The following SLC26A4 variants were observed in gnomAD, a reference collection of about 807,000 sequenced individuals.
SLC26A4 encodes the protein pendrin.
Under a neutral mutation model 90.4 loss-of-function variants are expected in SLC26A4, and 93 were observed. The observed-to-expected ratio is 1.03, with a 90% CI of 0.87 to 1.22. The LOEUF (loss-of-function observed/expected upper bound fraction) is 1.22. SLC26A4 is among the 50% of genes most tolerant of loss of function. The pLI is 0.00. For missense variants in SLC26A4, 1,127 were observed against 946.2 expected (o/e 1.19, Z -2.51); for synonymous variants, 393 against 354.6 (o/e 1.11, Z -1.22).
intron 10 of SLC26A4, among the ~76,000 whole-genome samples, 172 bp downstream of exon 10, chr7:107,690,409 A>T (rs754809539): frequency 3.3e-5 from 5 of 152,168 alleles, no homozygotes; most frequent in Non-Finnish European, 1.5e-5. Flanking sequence ...GAAATCTCTT[A>T]AAAAACAACA....
chr7:107,709,949 T>C, intron 18 of SLC26A4, 105 bp from the exon 19 acceptor site: 1 of 894,436 alleles, frequency 1.1e-6, no homozygotes, highest in Non-Finnish European at 1.8e-6. Flanking sequence ...TGAGCAATGA[T>C]GCCACTGCAC....
intron 4 of SLC26A4, among the ~76,000 whole-genome samples, chr7:107,672,923 T>A (rs1359834046): frequency 1.3e-5 from 2 of 152,264 alleles, no homozygotes; most frequent in African/African-American, 4.8e-5. Flanking sequence ...ATTTTGCTCC[T>A]ACATCCATCT....
chr7:107,697,648 C>A (rs372055014), intron 13 of SLC26A4, among the ~76,000 whole-genome samples: 1 of 152,206 alleles, frequency 6.6e-6, no homozygotes, highest in African/African-American at 2.4e-5. Flanking sequence ...CTGCCCTTTA[C>A]CTCCAGGCCT....
chr7:107,708,526 T>A (rs1792091447), intron 18 of SLC26A4, among the ~76,000 whole-genome samples: 3 of 152,108 alleles, frequency 2.0e-5, no homozygotes, highest in African/African-American at 4.8e-5. Flanking sequence ...AACCTTTAAA[T>A]AACCTCTGAT....
chr7:107,689,071 T>A lies in SLC26A4; in HGVS notation c.1020T>A (p.Leu340=). Residue 340 remains leucine, a synonymous_variant, in exon 9 of 21, where the codon CTT becomes CTA. Transcript: ENST00000644269. The part of the protein sequence containing the change: ...SIPRGFLPPE[L]PPVSLFSEML... ...TCACTAGGTTTTTGCCTCCTGAACT[T>A]CCACCTGTGAGCTTGTTCTCGGAGA... 6.2e-7 allele frequency: 1 copy of A among 1,613,962 alleles called. No individual in the cohort carries two copies. The highest frequency in any genetic ancestry group is 8.5e-7 in the Non-Finnish European group (1 of 1,179,856).
rs544463793 is a variant in SLC26A4 at position 107,687,293 on chromosome 7, C to A, written c.1002-1760C>A. ...CACAGAAGGAGGGCAAGGGCAAGGG[C>A]AAGGACAAAAGGCTTACTTACAGGT... On this transcript the variant is annotated intron_variant, in intron 8 of 20. Transcript: ENST00000644269. Among the ~76,000 whole-genome samples the A allele has an allele frequency of 1.3e-3, 193 of 152,268 alleles. 1 individual carries two copies. The highest frequency in any genetic ancestry group is 1.9e-3 in the Non-Finnish European group (131 of 68,026).
chr7:107,708,013 T>C (rs902978095), intron 18 of SLC26A4, among the ~76,000 whole-genome samples: 4 of 152,194 alleles, frequency 2.6e-5, no homozygotes, highest in Non-Finnish European at 5.9e-5. Flanking sequence ...TGATGAAACA[T>C]GAAATCTCTG....
At chr7:107,679,693 T>G (rs541985876) in intron 6 of SLC26A4, among the ~76,000 whole-genome samples, 1 of 150,944 alleles carries the variant, frequency 6.6e-6, no homozygotes, top group South Asian at 2.1e-4. Flanking sequence ...AATACAGAAT[T>G]ATATGTGTAT....
chr7:107,662,750 T>C (rs774077886), intron 2 of SLC26A4, among the ~76,000 whole-genome samples: 83 of 152,212 alleles, frequency 5.5e-4, no homozygotes, highest in Non-Finnish European at 9.4e-4. Context: ...TTTATTCAAA[T>C]CAGGAGTTAT....
intron 8 of SLC26A4, among the ~76,000 whole-genome samples, chr7:107,685,499 C>A (rs887772402): frequency 1.3e-5 from 2 of 152,162 alleles, no homozygotes; most frequent in Non-Finnish European, 2.9e-5. Context: ...TCCCTTTATC[C>A]TATTGAGGGT....
intron 20 of SLC26A4, among the ~76,000 whole-genome samples, chr7:107,713,134 G>A (rs1792238563): frequency 6.6e-6 from 1 of 152,158 alleles, no homozygotes; most frequent in Non-Finnish European, 1.5e-5. Flanking sequence ...TGAACTTGTA[G>A]CATCTGAGTA....
intron 20 of SLC26A4, among the ~76,000 whole-genome samples, chr7:107,713,678 A>G (rs1216724912): frequency 6.6e-6 from 1 of 152,156 alleles, no homozygotes; most frequent in African/African-American, 2.4e-5. Flanking sequence ...TATTCCTATT[A>G]CTACAGCTTA....
At chr7:107,713,735 A>G (rs1193173375) in intron 20 of SLC26A4, among the ~76,000 whole-genome samples, 3 of 152,228 alleles carry the variant, frequency 2.0e-5, no homozygotes, top group East Asian at 3.9e-4. Flanking sequence ...TTTAGCTTCT[A>G]TTGAGCAGGG....
chr7:107,693,972 G>A (rs912410631), intron 10 of SLC26A4, among the ~76,000 whole-genome samples: 1 of 152,200 alleles, frequency 6.6e-6, no homozygotes, highest in African/African-American at 2.4e-5. Flanking sequence ...CAATAATGCA[G>A]AAAAATCAGC....
Position 107,690,271 on chromosome 7 carries a change from A to G in SLC26A4, c.1263+34A>G, listed in dbSNP as rs759587662. 4 of 1,263,038 alleles carry G rather than the reference A, an allele frequency of 3.2e-6. No homozygotes were observed. The South Asian group carries it at 4.7e-5, about 15-fold the overall frequency. The allele number at this position is 1,263,038 out of a possible 1,614,324, so 78.2% of individuals were successfully genotyped here. ...AACAGCCTTATGATATCCATCTCAG[A>G]GAACAAGTCGAGGAATGGCAACAGA... On this transcript the variant is annotated intron_variant, in intron 10 of 20. Transcript: ENST00000644269.
rs771015634 is a variant in SLC26A4, at chr7:107,701,145, G to A, written c.1752G>A (p.Ala584=). 55 of 1,611,368 alleles carry A rather than the reference G, an allele frequency of 3.4e-5. 1 individual carries two copies. Among genetic ancestry groups the A allele is most frequent in the South Asian group, 3.0e-4 (27 of 91,030 alleles). Residue 584 remains alanine (A), a synonymous_variant, in exon 16 of 21, where the codon GCG becomes GCA. Coordinates refer to ENST00000644269, the MANE Select transcript of SLC26A4 (RefSeq NM_000441.2). Reference sequence around the variant, plus strand: ...GAGTATATAATAAGAGGCTGAAAGCGCTGAGGAAAATACAGAAACTAATAA... The same window carrying A: ...GAGTATATAATAAGAGGCTGAAAGCACTGAGGAAAATACAGAAACTAATAA... ...AIRVYNKRLK[A]LRKIQKLIKS...
chr7:107,663,882 A>G (rs993212825), intron 3 of SLC26A4, among the ~76,000 whole-genome samples: 1 of 152,036 alleles, frequency 6.6e-6, no homozygotes, highest in African/African-American at 2.4e-5. Flanking sequence ...ACGGGGTTTC[A>G]CCGGGTTAGC....
At chr7:107,665,302 G>T (rs140811508) in intron 3 of SLC26A4, among the ~76,000 whole-genome samples, 1 of 152,206 alleles carries the variant, frequency 6.6e-6, no homozygotes. Flanking sequence ...GTAGATGCCC[G>T]AAGAGAAGGA....
intron 3 of SLC26A4, among the ~76,000 whole-genome samples, chr7:107,667,460 T>G (rs1282956887): frequency 3.8e-5 from 1 of 26,426 alleles, no homozygotes; most frequent in African/African-American, 1.8e-4. Context: ...GAGAGAAGGT[T>G]TAAAAAAAAA....
Sources: gnomAD v4.1 joint callset for allele counts (sites outside exome capture counted in the v4.1 genomes callset) on GRCh38, gnomAD v4.1.1 for gene constraint, MANE v1.5 for transcripts, NCBI Gene and HGNC (gene_info 2026-07-23, HGNC 2026-07-21) for gene names.